NCAPD2: variants seen among roughly 807,000 people sequenced by gnomAD.
NCAPD2 encodes condensin complex subunit 1.
A neutral mutation model predicts 164.5 loss-of-function variants in NCAPD2; 100 were observed. That is an observed-to-expected ratio of 0.61 (90% CI 0.52 to 0.72). The LOEUF (loss-of-function observed/expected upper bound fraction) is 0.72. NCAPD2 is among the 30% of genes least tolerant of loss of function. The pLI is 0.00. For missense variants in NCAPD2, 1,560 were observed against 1,749.2 expected, an observed-to-expected ratio of 0.89 and a Z score of 1.93; for synonymous variants, 585 against 642.6, an observed-to-expected ratio of 0.91 and a Z score of 1.36.
chr12:6,508,046 C>T (rs1946112834), intron 2 of NCAPD2, among the ~76,000 whole-genome samples: 1 of 151,884 alleles, frequency 6.6e-6, no homozygotes, highest in Non-Finnish European at 1.5e-5. Flanking sequence ...AAAAAATTAG[C>T]TGGGCCGGGC....
At chr12:6,508,808 A>G (rs1333550918) in intron 2 of NCAPD2, among the ~76,000 whole-genome samples, 1 of 152,234 alleles carries the variant, frequency 6.6e-6, no homozygotes, top group Non-Finnish European at 1.5e-5. Flanking sequence ...CAGCAGTAAT[A>G]AGACATTCAC....
intron 13 of NCAPD2, 44 bp from the exon 14 acceptor site, chr12:6,520,942 G>A (rs1456960531): frequency 1.2e-6 from 2 of 1,611,964 alleles, no homozygotes; most frequent in African/African-American, 1.3e-5. Context: ...ACAAACGGCT[G>A]CAGTGACATT....
intron 13 of NCAPD2, 33 bp from the exon 14 acceptor site, chr12:6,520,950 ATTC>A: frequency 6.2e-7 from 1 of 1,612,896 alleles, no homozygotes; most frequent in Non-Finnish European, 8.5e-7. Flanking sequence ...CTGCAGTGAC[ATTC>A]TTCTGGGTAC....
intron 2 of NCAPD2, among the ~76,000 whole-genome samples, chr12:6,506,602 A>AG: frequency 6.6e-6 from 1 of 151,222 alleles, no homozygotes; most frequent in East Asian, 1.9e-4. Flanking sequence ...GAAAAAAAAA[A>AG]AAGACATATA....
rs1946226659 is a variant in NCAPD2, at chr12:6,518,504, G to GTTTTTTTGT, written c.1589+552_1589+553insGTTTTTTTT. Among the ~76,000 whole-genome samples the GTTTTTTTGT allele has an allele frequency of 1.1e-4, 5 of 44,782 alleles. No individual in the cohort carries two copies. The South Asian group carries it at 4.1e-3, about 37-fold the overall frequency. 29.4% of individuals were successfully genotyped at this position (44,782 alleles called of 152,430 possible). A position where few individuals can be genotyped will look rare whatever the true frequency, so the allele number is the denominator to read the frequency against. ...CAAAAGCCCTTACAGCCGTCAACAA[G>GTTTTTTTGT]TTTTTTTTTTTTTTTTTTTTTTTTT... On this transcript the variant is annotated intron_variant, in intron 13 of 31. Transcript: ENST00000315579.
Position 6,517,441 on chromosome 12 carries a change from G to A in NCAPD2, c.1262G>A (p.Cys421Tyr), listed in dbSNP as rs1350326693. The change falls in exon 11 of 32, where the codon TGT becomes TAT. Residue 421 changes from cysteine (C) to tyrosine (Y), a missense_variant. By Grantham distance (194) the Cys-to-Tyr change is radical. Coordinates refer to ENST00000315579, the MANE Select transcript of NCAPD2 (RefSeq NM_014865.4). ...GRLADKSVLVCKNAIQLLASF... is the reference protein window; with the variant it reads ...GRLADKSVLVYKNAIQLLASF... ...CTGGCAGACAAGTCAGTGCTAGTAT[G>A]TAAAAATGCCATCCAGCTGCTGGCC... 4 of 1,614,130 alleles carry A rather than the reference G, an allele frequency of 2.5e-6. No individual in the cohort carries two copies. The highest frequency in any genetic ancestry group is 3.4e-6 in the Non-Finnish European group (4 of 1,180,056).
intron 13 of NCAPD2, among the ~76,000 whole-genome samples, chr12:6,519,405 G>C (rs996096275): frequency 6.6e-6 from 1 of 152,196 alleles, no homozygotes; most frequent in African/African-American, 2.4e-5. Context: ...CTGGAGTACA[G>C]TAGCGCAATC....
At position 6,514,351 on chromosome 12, in the gene NCAPD2, A is replaced by G; in HGVS notation, c.674A>G (p.His225Arg). 6.2e-7 allele frequency: 1 copy of G among 1,614,198 alleles called. No homozygotes were observed. The highest frequency in any genetic ancestry group is 8.5e-7 in the Non-Finnish European group (1 of 1,180,034). ...CGCCCCACTCGGGAAGCCATAACACACCTGCTTGGTGTAGCCTTGACCCGT... is the reference window on the plus strand; with the variant it reads ...CGCCCCACTCGGGAAGCCATAACACGCCTGCTTGGTGTAGCCTTGACCCGT... ...KNRPTREAITHLLGVALTRYN... is the reference protein window; with the variant it reads ...KNRPTREAITRLLGVALTRYN... The change falls in exon 7 of 32, where the codon CAC becomes CGC. Residue 225 changes from histidine (H) to arginine (R), a missense_variant. Coordinates refer to ENST00000315579, the MANE Select transcript of NCAPD2 (RefSeq NM_014865.4).
intron 11 of NCAPD2, 38 bp downstream of exon 11, chr12:6,517,537 A>G: frequency 6.2e-7 from 1 of 1,614,220 alleles, no homozygotes; most frequent in Non-Finnish European, 8.5e-7. Context: ...AAGGAATTAA[A>G]TGGAAACAGG....
intron 3 of NCAPD2, 37 bp downstream of exon 3, chr12:6,509,829 T>C (rs1257854608): frequency 6.3e-7 from 1 of 1,595,004 alleles, no homozygotes; most frequent in South Asian, 1.1e-5. Context: ...TAAAAAGAAC[T>C]GGTGACTGTT....
At chr12:6,525,030 C>T (rs983677023) in intron 17 of NCAPD2, among the ~76,000 whole-genome samples, 1 of 152,110 alleles carries the variant, frequency 6.6e-6, no homozygotes, top group African/African-American at 2.4e-5. Context: ...GGAGACCAAC[C>T]CATGGGAAGG....
rs201963993 is a variant in NCAPD2 at position 6,526,210 on chromosome 12, G to T, written c.2481+10G>T. On this transcript the variant is annotated intron_variant, in intron 19 of 31. Coordinates refer to ENST00000315579, the MANE Select transcript of NCAPD2 (RefSeq NM_014865.4). The stretch of plus-strand genomic sequence containing the variant: ...CTCGGACAGGAGAAAGGTATGTGGG[G>T]GTGGTTCCAAACTAAGGAGAGTGGA... The T allele has an allele frequency of 4.3e-6, 7 of 1,614,020 alleles. No homozygotes were observed. The highest frequency in any genetic ancestry group is 1.7e-5 in the Admixed American group (1 of 60,002).
At chr12:6,508,742 A>C (rs1391211763) in intron 2 of NCAPD2, among the ~76,000 whole-genome samples, 1 of 152,244 alleles carries the variant, frequency 6.6e-6, no homozygotes, top group Non-Finnish European at 1.5e-5. Context: ...AGGGGAAAAT[A>C]ATAATGTTAC....
In NCAPD2 at chr12:6,511,262, G is replaced by A. The variant is rs764787546; in HGVS notation, c.587+10G>A. 11 of 1,614,048 alleles carry A rather than the reference G, an allele frequency of 6.8e-6. No homozygotes were observed. The South Asian group carries it at 1.1e-4, about 16-fold the overall frequency. The stretch of plus-strand genomic sequence containing the variant: ...AAGAAGAATTTGTCAGGTGGGTAGG[G>A]AGGATGGCTACAGATAATACTGAGC... On this transcript the variant is annotated intron_variant, in intron 6 of 31. Coordinates refer to ENST00000315579, the MANE Select transcript of NCAPD2 (RefSeq NM_014865.4).
Position 6,504,225 on chromosome 12 carries a change from A to G in NCAPD2, c.128-5492A>G, listed in dbSNP as rs12578584. On this transcript the variant is annotated intron_variant, in intron 2 of 31. Coordinates refer to ENST00000315579, the MANE Select transcript of NCAPD2 (RefSeq NM_014865.4). ...TATATATATATATATATAGATATAG[A>G]TATATATATATATATATACCATTGG... Among the ~76,000 whole-genome samples the G allele has an allele frequency of 3.4e-4, 9 of 26,364 alleles. No individual in the cohort carries two copies. The East Asian group carries it at 0.013, about 39-fold the overall frequency. 17.3% of individuals were successfully genotyped at this position (26,364 alleles called of 152,430 possible). A position where few individuals can be genotyped will look rare whatever the true frequency, so the allele number is the denominator to read the frequency against.
At chr12:6,518,233 A>G (rs1391871138) in intron 13 of NCAPD2, 3 of 243,688 alleles carry the variant, frequency 1.2e-5, no homozygotes, top group African/African-American at 6.8e-5. Flanking sequence ...GAAGAAGAGC[A>G]CCTATAAATA....
intron 2 of NCAPD2, among the ~76,000 whole-genome samples, chr12:6,504,188 T>TAC (rs1393783457): frequency 2.2e-3 from 67 of 30,228 alleles, no homozygotes; most frequent in African/African-American, 0.016. Flanking sequence ...TATACATATA[T>TAC]ATATATATAT....
chr12:6,522,071 T>C (rs776397273), intron 15 of NCAPD2, 34 bp downstream of exon 15: 1 of 1,579,472 alleles, frequency 6.3e-7, no homozygotes, highest in Non-Finnish European at 8.6e-7. Context: ...AGGACAGCCT[T>C]GGGGTTCTTT....
Position 6,525,677 on chromosome 12 carries a change from A to T in NCAPD2, c.2309A>T (p.Glu770Val). 2 of 1,613,712 alleles carry T rather than the reference A, an allele frequency of 1.2e-6. No individual in the cohort carries two copies. The highest frequency in any genetic ancestry group is 1.7e-6 in the Non-Finnish European group (2 of 1,179,974). ...ATEKVACCPL[E>V]RCSSVMLLGM... ...GAGAAGGTCGCCTGCTGTCCTCTGG[A>T]GCGCTGTTCCTCTGTCATGCTTCTT... Residue 770 changes from glutamate (E) to valine (V), a missense_variant, in exon 18 of 32, where the codon GAG becomes GTG. By Grantham distance (121) the Glu-to-Val change is moderately radical (BLOSUM62 -2). Transcript: ENST00000315579.
Sources: gnomAD v4.1 joint callset for allele counts (sites outside exome capture counted in the v4.1 genomes callset) on GRCh38, gnomAD v4.1.1 for gene constraint, MANE v1.5 for transcripts, NCBI Gene and HGNC (gene_info 2026-07-23, HGNC 2026-07-21) for gene names.